AKAP13: variants seen among roughly 807,000 people sequenced by gnomAD.
The protein encoded by AKAP13 is A-kinase anchor protein 13.
AKAP13 carries 80 observed loss-of-function variants against 264.5 expected under a neutral mutation model. The ratio of observed to expected loss-of-function variants is 0.30; its 90% CI spans 0.25 to 0.36. AKAP13 has a LOEUF of 0.36. AKAP13 is among the 10% of genes least tolerant of loss of function. The probability of loss-of-function intolerance (pLI) is 1.00; values close to 1 mark genes in which losing one functional copy is unlikely to be tolerated. For missense variants in AKAP13, 3,712 were observed against 3,435.2 expected (o/e 1.08, Z -2.01); for synonymous variants, 1,380 against 1,250.2 (o/e 1.10, Z -2.19).
At chr15:85,486,801 C>T (rs1333963338) in intron 2 of AKAP13, among the ~76,000 whole-genome samples, 3 of 139,494 alleles carry the variant, frequency 2.2e-5, no homozygotes, top group Non-Finnish European at 3.0e-5. Flanking sequence ...TGCAGTGGCG[C>T]GATCTTGGCT....
intron 4 of AKAP13, chr15:85,535,585 T>A (rs1243002073): frequency 6.6e-6 from 1 of 152,206 alleles, no homozygotes; most frequent in African/African-American, 2.4e-5. Context: ...TCTGTATTGA[T>A]ACAGGAATGT....
chr15:85,521,791 G>A (rs977685454), intron 3 of AKAP13, among the ~76,000 whole-genome samples: 15 of 151,902 alleles, frequency 9.9e-5, no homozygotes, highest in African/African-American at 3.1e-4. Flanking sequence ...CTGTTATGTC[G>A]GCCACCTACC....
chr15:85,390,552 A>G (rs2070805545), intron 1 of AKAP13, among the ~76,000 whole-genome samples: 1 of 141,052 alleles, frequency 7.1e-6, no homozygotes, highest in Admixed American at 7.4e-5. Context: ...GAAACAGCTG[A>G]AGGATTTGAG....
chr15:85,661,556 T>TA (rs898422814), intron 12 of AKAP13, among the ~76,000 whole-genome samples: 18 of 151,490 alleles, frequency 1.2e-4, no homozygotes, highest in East Asian at 3.9e-4. Context: ...CCATCTCTAC[T>TA]AAAAAAAATA....
At chr15:85,483,595 CG>C (rs2075416308) in intron 1 of AKAP13, among the ~76,000 whole-genome samples, 1 of 140,492 alleles carries the variant, frequency 7.1e-6, no homozygotes, top group Non-Finnish European at 1.5e-5. Flanking sequence ...CACTGCAGTC[CG>C]CAGTCCGGCC....
At chr15:85,639,520 C>T (rs2082209242) in intron 9 of AKAP13, 71 bp downstream of exon 9, 1 of 1,112,118 alleles carries the variant, frequency 9.0e-7, no homozygotes, top group Non-Finnish European at 1.4e-6. Flanking sequence ...ATTTGGAGAT[C>T]TGCCCTTCCT....
At chr15:85,688,281 G>A (rs1886910405) in intron 16 of AKAP13, among the ~76,000 whole-genome samples, 1 of 152,038 alleles carries the variant, frequency 6.6e-6, no homozygotes, top group Non-Finnish European at 1.5e-5. Flanking sequence ...CAAATTGAAA[G>A]TGCTACTATG....
chr15:85,667,032 T>TA (rs916666221), intron 13 of AKAP13, among the ~76,000 whole-genome samples: 27 of 152,194 alleles, frequency 1.8e-4, no homozygotes, highest in African/African-American at 6.5e-4. Context: ...ATGAAACACT[T>TA]ACAATTTAAA....
At chr15:85,584,196 T>G (rs2079240361) in intron 7 of AKAP13, among the ~76,000 whole-genome samples, 1 of 152,234 alleles carries the variant, frequency 6.6e-6, no homozygotes, top group Admixed American at 6.5e-5. Context: ...ACTGCTGATT[T>G]GGAAGGAGCC....
intron 2 of AKAP13, among the ~76,000 whole-genome samples, chr15:85,486,995 G>T (rs901937536): frequency 6.6e-6 from 1 of 152,076 alleles, no homozygotes. Flanking sequence ...AGCTCCCAAA[G>T]TGCTGGGATT....
intron 1 of AKAP13, among the ~76,000 whole-genome samples, chr15:85,451,983 C>T (rs1009790428): frequency 1.3e-5 from 2 of 151,606 alleles, no homozygotes; most frequent in Non-Finnish European, 2.9e-5. Context: ...GGCGTTCTCC[C>T]CTTGCCTTTG....
intron 5 of AKAP13, among the ~76,000 whole-genome samples, chr15:85,563,329 GTTTTTTTTTTTT>G (rs1184437606): frequency 1.8e-5 from 1 of 54,196 alleles, no homozygotes; most frequent in Non-Finnish European, 4.1e-5. Flanking sequence ...GAATGTGCTT[GTTTTTTTTTTTT>G]TTTTTTTTTT....
At chr15:85,660,978 G>A (rs1393326897) in intron 12 of AKAP13, among the ~76,000 whole-genome samples, 2 of 152,132 alleles carry the variant, frequency 1.3e-5, no homozygotes, top group East Asian at 3.9e-4. Flanking sequence ...TCCAGTATAG[G>A]TGTTTTTGGT....
chr15:85,453,348 C>T (rs1186706176), intron 1 of AKAP13, among the ~76,000 whole-genome samples: 1 of 152,040 alleles, frequency 6.6e-6, no homozygotes, highest in Non-Finnish European at 1.5e-5. Context: ...GATCAGCCAC[C>T]CACGTAACAG....
rs756421637 is a variant in AKAP13, at chr15:85,580,569, A to G, written c.2501A>G (p.Glu834Gly). Residue 834 changes from glutamate (E) to glycine (G), a missense_variant, in exon 7 of 37, where the codon GAG becomes GGG. Coordinates refer to ENST00000394518, the MANE Select transcript of AKAP13 (RefSeq NM_007200.5). Reference protein sequence around the residue: ...YRDGPDGNSNEPDTRPLEDRA... With the variant: ...YRDGPDGNSNGPDTRPLEDRA... ...GATGGCCCAGATGGAAATTCGAATGAGCCTGATACGCGGCCACTAGAAGAC... is the reference window on the plus strand; with the variant it reads ...GATGGCCCAGATGGAAATTCGAATGGGCCTGATACGCGGCCACTAGAAGAC... The G allele has an allele frequency of 1.8e-5, 29 of 1,614,098 alleles. No homozygotes were observed. Among genetic ancestry groups the G allele is most frequent in the Admixed American group, 3.3e-5 (2 of 60,008 alleles).
chr15:85,392,160 G>T (rs2070891343), intron 1 of AKAP13, among the ~76,000 whole-genome samples: 1 of 149,774 alleles, frequency 6.7e-6, no homozygotes, highest in Non-Finnish European at 1.5e-5. Flanking sequence ...AGGGTAGTGG[G>T]TTTCATTTGT....
At chr15:85,648,454 C>G (rs768551232) in intron 10 of AKAP13, among the ~76,000 whole-genome samples, 1 of 151,856 alleles carries the variant, frequency 6.6e-6, no homozygotes, top group African/African-American at 2.4e-5. Context: ...TATATTTCGC[C>G]GTCTTATTTT....
rs1467895169 is a variant in AKAP13, at chr15:85,498,199, G to GATATAGAT, written c.33+12451_33+12452insGATATATA. Among the ~76,000 whole-genome samples, 32 of 133,086 alleles carry GATATAGAT rather than the reference G, an allele frequency of 2.4e-4. No homozygotes were observed. The South Asian group carries it at 3.7e-3, about 15-fold the overall frequency. 87.3% of individuals were successfully genotyped at this position (133,086 alleles called of 152,430 possible). A position where few individuals can be genotyped will look rare whatever the true frequency, so the allele number is the denominator to read the frequency against. ...TGGTAGTAAGGATTAAATGAAGTGAGATATATATATATATATATATATATA... is the reference window on the plus strand; with the variant it reads ...TGGTAGTAAGGATTAAATGAAGTGAGATATAGATATATATATATATATATATATATATA... On this transcript the variant is annotated intron_variant, in intron 2 of 36. Coordinates refer to ENST00000394518, the MANE Select transcript of AKAP13 (RefSeq NM_007200.5).
chr15:85,647,897 C>T (rs1326865003), intron 10 of AKAP13, among the ~76,000 whole-genome samples: 1 of 152,074 alleles, frequency 6.6e-6, no homozygotes, highest in Non-Finnish European at 1.5e-5. Flanking sequence ...CACTGCACTC[C>T]AGCCTGGGCG....
Sources: gnomAD v4.1 joint callset for allele counts (sites outside exome capture counted in the v4.1 genomes callset) on GRCh38, gnomAD v4.1.1 for gene constraint, MANE v1.5 for transcripts, NCBI Gene and HGNC (gene_info 2026-07-23, HGNC 2026-07-21) for gene names.